The following HSPA4 variants were observed in gnomAD, a reference collection of about 807,000 sequenced individuals.
HSPA4 encodes the protein heat shock protein family A (Hsp70) member 4.
Under a neutral mutation model 106.2 loss-of-function variants are expected in HSPA4, and 25 were observed. The ratio of observed to expected loss-of-function variants is 0.24; its 90% confidence interval spans 0.17 to 0.33. The LOEUF is 0.33. Among genes scored for constraint, HSPA4 ranks in the 10% least tolerant of loss-of-function variants. HSPA4 has a pLI of 1.00. For synonymous variants in HSPA4, 332 were observed against 333.6 expected, an observed-to-expected ratio of 1.00 and a Z score of 0.05; for missense variants, 841 against 996.0, an observed-to-expected ratio of 0.84 and a Z score of 2.10.
intron 3 of HSPA4, 90 bp from the exon 4 acceptor site, chr5:133,070,284 A>T: frequency 7.8e-7 from 1 of 1,283,828 alleles, no homozygotes; most frequent in Non-Finnish European, 1.1e-6. Context: ...TTGCATTGAT[A>T]ATGGGAAGCA....
chr5:133,064,160 A>G (rs1765279852), intron 1 of HSPA4, among the ~76,000 whole-genome samples: 1 of 152,226 alleles, frequency 6.6e-6, no homozygotes, highest in Non-Finnish European at 1.5e-5. Flanking sequence ...TTGTGTATGA[A>G]TTGGTGATTT....
chr5:133,100,962 C>T (rs776709380), intron 16 of HSPA4, among the ~76,000 whole-genome samples: 15 of 152,082 alleles, frequency 9.9e-5, no homozygotes, highest in Non-Finnish European at 1.5e-4. Flanking sequence ...TGCGCCATCA[C>T]GCCTGGCTGT....
At chr5:133,063,428 CTTTTT>C in intron 1 of HSPA4, among the ~76,000 whole-genome samples, 1 of 151,592 alleles carries the variant, frequency 6.6e-6, no homozygotes, top group Non-Finnish European at 1.5e-5. Flanking sequence ...CAAATTTACT[CTTTTT>C]TTTGTTTTGT....
At chr5:133,089,801 C>T (rs1247045020) in intron 11 of HSPA4, 106 bp downstream of exon 11, 1 of 850,992 alleles carries the variant, frequency 1.2e-6, no homozygotes, top group East Asian at 2.7e-5. Context: ...ATCACTTGAG[C>T]TGAGGAGTTC....
At chr5:133,054,272 G>T (rs948216833) in intron 1 of HSPA4, among the ~76,000 whole-genome samples, 3 of 151,844 alleles carry the variant, frequency 2.0e-5, no homozygotes, top group Non-Finnish European at 4.4e-5. Context: ...GCGTAATCTC[G>T]GCTCACTGCA....
rs767750191 is a variant in HSPA4, at chr5:133,101,874, A to G, written c.2153A>G (p.Asn718Ser). The change falls in exon 17 of 19, where the codon AAC becomes AGC. Residue 718 changes from asparagine to serine, a missense_variant. Transcript: ENST00000304858. The part of the protein sequence containing the change: ...QYMKIISSFK[N>S]KEDQYDHLDA... ...ATGAAAATAATCAGCTCTTTCAAAA[A>G]CAAGGTAACTTTTTTCTTTGTCCTA... is the stretch of plus-strand genomic sequence containing the variant. 1.3e-6 allele frequency: 2 copies of G among 1,563,448 alleles called. No individual in the cohort carries two copies. Among genetic ancestry groups the G allele is most frequent in the South Asian group, 2.4e-5 (2 of 84,246 alleles).
At chr5:133,066,291 C>G (rs991692324) in intron 2 of HSPA4, among the ~76,000 whole-genome samples, 1 of 152,142 alleles carries the variant, frequency 6.6e-6, no homozygotes, top group Non-Finnish European at 1.5e-5. Flanking sequence ...TGTGTGTTCC[C>G]TTTCATCTAG....
At chr5:133,067,142 G>C (rs1359897235) in intron 2 of HSPA4, among the ~76,000 whole-genome samples, 1 of 152,142 alleles carries the variant, frequency 6.6e-6, no homozygotes, top group Non-Finnish European at 1.5e-5. Flanking sequence ...TTTAAGAACA[G>C]AAAATACTTA....
At chr5:133,089,743 G>A in intron 11 of HSPA4, 48 bp downstream of exon 11, 1 of 1,309,614 alleles carries the variant, frequency 7.6e-7, no homozygotes, top group Non-Finnish European at 1.0e-6. Context: ...AAAAAGCACA[G>A]TGGCTCACAA....
intron 15 of HSPA4, among the ~76,000 whole-genome samples, chr5:133,099,222 T>C (rs1304572530): frequency 6.6e-6 from 1 of 152,134 alleles, no homozygotes; most frequent in African/African-American, 2.4e-5. Flanking sequence ...CTCCGCCTCC[T>C]GAGTTCAGGC....
chr5:133,055,212 A>C (rs1485410014), intron 1 of HSPA4, among the ~76,000 whole-genome samples: 1 of 150,226 alleles, frequency 6.7e-6, no homozygotes, highest in Non-Finnish European at 1.5e-5. Context: ...CATGCCATAC[A>C]TTTCAAGTGA....
At chr5:133,086,238 ACT>A (rs1765576998) in intron 7 of HSPA4, among the ~76,000 whole-genome samples, 1 of 150,956 alleles carries the variant, frequency 6.6e-6, no homozygotes, top group Non-Finnish European at 1.5e-5. Context: ...CAAAAAACAA[ACT>A]CTGTACTCAT....
chr5:133,078,229 G>C (rs1267994456), intron 7 of HSPA4, among the ~76,000 whole-genome samples: 1 of 152,116 alleles, frequency 6.6e-6, no homozygotes, highest in Non-Finnish European at 1.5e-5. Context: ...CTGCTGGGGA[G>C]GCTGAGGCAG....
intron 18 of HSPA4, 68 bp downstream of exon 18, chr5:133,104,094 C>A: frequency 2.1e-6 from 3 of 1,429,520 alleles, no homozygotes; most frequent in South Asian, 1.2e-5. Context: ...TCAAGTGACA[C>A]TTAGGAGGGA....
chr5:133,081,977 A>G (rs1765519182), intron 7 of HSPA4, among the ~76,000 whole-genome samples: 1 of 152,236 alleles, frequency 6.6e-6, no homozygotes, highest in Admixed American at 6.5e-5. Context: ...TCATATGTGA[A>G]TGTTCATTGC....
chr5:133,070,411 A>T lies in HSPA4; in HGVS notation c.344A>T (p.Glu115Val). 2 of 1,611,044 alleles carry T rather than the reference A, an allele frequency of 1.2e-6. No individual in the cohort carries two copies. Among genetic ancestry groups the T allele is most frequent in the Non-Finnish European group, 1.7e-6 (2 of 1,179,278 alleles). ...YMEEERNFTT[E>V]QVTAMLLSKL... is the part of the protein sequence containing the mutation. ...GAGGAAGAGCGAAATTTTACCACTGAGCAAGTGACTGCCATGCTTTTGTCC... is the reference window on the plus strand; with the variant it reads ...GAGGAAGAGCGAAATTTTACCACTGTGCAAGTGACTGCCATGCTTTTGTCC... Residue 115 changes from glutamate (E) to valine (V), a missense_variant, in exon 4 of 19, where the codon GAG (glutamate) becomes GTG (valine). Physicochemically the swap from Glu to Val is moderately radical, Grantham distance 121. Coordinates refer to ENST00000304858, the MANE Select transcript of HSPA4 (RefSeq NM_002154.4).
At chr5:133,063,086 A>C (rs575157650) in intron 1 of HSPA4, among the ~76,000 whole-genome samples, 1 of 150,476 alleles carries the variant, frequency 6.6e-6, no homozygotes, top group South Asian at 2.1e-4. Context: ...ACCCTGGATA[A>C]ATTTATTTAC....
At chr5:133,074,325 C>G (rs1765421779) in intron 6 of HSPA4, among the ~76,000 whole-genome samples, 199 bp downstream of exon 6, 1 of 149,666 alleles carries the variant, frequency 6.7e-6, no homozygotes, top group Non-Finnish European at 1.5e-5. Flanking sequence ...GTTGCCCAGG[C>G]TGGAGTGCAA....
intron 1 of HSPA4, among the ~76,000 whole-genome samples, chr5:133,054,729 G>GT (rs943593324): frequency 1.4e-4 from 21 of 151,368 alleles, no homozygotes; most frequent in Middle Eastern, 3.2e-3. Context: ...GTGCCCTGAA[G>GT]TTTTTTTTTA....
Sources: gnomAD v4.1 joint callset for allele counts (sites outside exome capture counted in the v4.1 genomes callset) on GRCh38, gnomAD v4.1.1 for gene constraint, MANE v1.5 for transcripts, NCBI Gene and HGNC (gene_info 2026-07-23, HGNC 2026-07-21) for gene names.